The following ADGRF1 variants were observed in gnomAD, a reference collection of about 807,000 sequenced individuals.
The protein encoded by ADGRF1 is adhesion G protein-coupled receptor F1.
Under a neutral mutation model 87.2 loss-of-function variants are expected in ADGRF1, and 85 were observed. That is an observed-to-expected ratio of 0.97 (90% CI 0.82 to 1.17). The LOEUF is 1.17. Among genes scored for constraint, ADGRF1 ranks in the 50% most tolerant of loss-of-function variants. The pLI is 0.00. For synonymous variants in ADGRF1, 430 were observed against 408.8 expected, an observed-to-expected ratio of 1.05 and a Z score of -0.63; for missense variants, 1,169 against 1,077.2, an observed-to-expected ratio of 1.09 and a Z score of -1.19.
intron 1 of ADGRF1, among the ~76,000 whole-genome samples, chr6:47,030,576 ATGTGTGTGTGTG>A (rs3030596): frequency 2.7e-4 from 38 of 138,562 alleles, no homozygotes; most frequent in South Asian, 7.4e-4. Context: ...TAACATGAAT[ATGTGTGTGTGTG>A]TGTGTGTGTG....
chr6:47,020,373 G>C (rs959630331), intron 7 of ADGRF1: 11 of 803,488 alleles, frequency 1.4e-5, no homozygotes, highest in Non-Finnish European at 2.0e-5. Flanking sequence ...GCAGGTGTCT[G>C]TAATTCCAGC....
rs952404472 is a variant in ADGRF1, at chr6:47,027,741, T to C, written c.90A>G (p.Thr30=). The C allele has an allele frequency of 6.3e-7, 1 of 1,592,432 alleles. No individual in the cohort carries two copies. The highest frequency in any genetic ancestry group is 8.6e-7 in the Non-Finnish European group (1 of 1,160,960). ...GFLGKNDGIK[T]KKELIVNKKK... ...TCTTATTCACAATGAGTTCTTTTTT[T>C]GTTTTGATGCCATCATTTTTCTGTT... is the stretch of plus-strand genomic sequence containing the variant. The change falls in exon 3 of 15, where the codon ACA becomes ACG. Residue 30 remains threonine (T), a synonymous_variant. Transcript: ENST00000371253.
intron 1 of ADGRF1, among the ~76,000 whole-genome samples, chr6:47,040,253 A>G (rs1296423960): frequency 1.3e-5 from 2 of 152,146 alleles, no homozygotes; most frequent in African/African-American, 2.4e-5. Flanking sequence ...TCACGAGGTC[A>G]GGAGATCAGG....
At chr6:47,025,585 C>T (rs547711684) in intron 4 of ADGRF1, among the ~76,000 whole-genome samples, 20 of 152,160 alleles carry the variant, frequency 1.3e-4, no homozygotes, top group African/African-American at 4.8e-4. Flanking sequence ...TTTAATTGCC[C>T]GTGGAAAACC....
In ADGRF1 at chr6:47,009,070, C is replaced by G; in HGVS notation, c.2365G>C (p.Val789Leu). 1 of 1,614,090 alleles carries G rather than the reference C, an allele frequency of 6.2e-7. No homozygotes were observed. The highest frequency in any genetic ancestry group is 8.5e-7 in the Non-Finnish European group (1 of 1,180,012). ...SRDDKATIIR[V>L]GKSLLILTPL... Reference sequence around the variant, plus strand: ...GTCAGAATGAGGAGGCTCTTCCCCACGCGGATGATGGTGGCCTTGTCATCC... The same window carrying G: ...GTCAGAATGAGGAGGCTCTTCCCCAGGCGGATGATGGTGGCCTTGTCATCC... The change falls in exon 11 of 15, where the codon GTG becomes CTG. Residue 789 changes from valine to leucine, a missense_variant. By Grantham distance (32) the Val-to-Leu change is conservative. Coordinates refer to ENST00000371253, the MANE Select transcript of ADGRF1 (RefSeq NM_153840.4).
intron 1 of ADGRF1, among the ~76,000 whole-genome samples, chr6:47,035,740 G>A (rs9472970): frequency 0.38 from 57,455 of 152,002 alleles, 10,980 homozygotes; most frequent in Middle Eastern, 0.55. Context: ...CTCCACCTGA[G>A]TTCCTTACAA....
chr6:47,014,265 C>T (rs752650059), intron 9 of ADGRF1: 5 of 987,496 alleles, frequency 5.1e-6, no homozygotes, highest in Non-Finnish European at 6.0e-6. Flanking sequence ...TGACCCACTC[C>T]TTGCCCTAAT....
chr6:47,023,792 T>A (rs1780143241), intron 5 of ADGRF1, among the ~76,000 whole-genome samples: 1 of 152,158 alleles, frequency 6.6e-6, no homozygotes, highest in African/African-American at 2.4e-5. Context: ...CTCAATAAAA[T>A]CATATGATTG....
chr6:47,018,435 A>G, intron 7 of ADGRF1: 2 of 1,289,664 alleles, frequency 1.6e-6, no homozygotes, highest in South Asian at 1.2e-5. Flanking sequence ...CTCACAATGT[A>G]TAAATAAGTG....
chr6:47,001,255 G>A (rs1779356149), intron 14 of ADGRF1, among the ~76,000 whole-genome samples: 1 of 152,186 alleles, frequency 6.6e-6, no homozygotes. Context: ...TGTCAAACTT[G>A]GGAAATAGAG....
rs1433796014 is a variant in ADGRF1, at chr6:47,009,043, G to C, written c.2392C>G (p.Pro798Ala). The stretch of plus-strand genomic sequence containing the variant: ...AAGCCCCAGGTGAGCCCTAGCAGAG[G>C]GGTCAGAATGAGGAGGCTCTTCCCC... ...RVGKSLLILT[P>A]LLGLTWGFGI... Residue 798 changes from proline (P) to alanine (A), a missense_variant, in exon 11 of 15, where the codon CCT (proline) becomes GCT (alanine). Transcript: ENST00000371253. The C allele has an allele frequency of 3.7e-6, 6 of 1,613,964 alleles. No individual in the cohort carries two copies. Among genetic ancestry groups the C allele is most frequent in the Non-Finnish European group, 3.4e-6 (4 of 1,180,010 alleles).
intron 7 of ADGRF1, chr6:47,020,176 C>A: frequency 8.6e-7 from 1 of 1,159,030 alleles, no homozygotes; most frequent in Non-Finnish European, 1.1e-6. Flanking sequence ...CACTGACCCA[C>A]AGTTTTGAGA....
intron 9 of ADGRF1, chr6:47,012,628 T>C: frequency 1.0e-6 from 1 of 988,970 alleles, no homozygotes; most frequent in South Asian, 4.6e-5. Context: ...CAGCGGAAAA[T>C]GTTAGGGTAG....
At chr6:47,013,292 T>C in intron 9 of ADGRF1, 1 of 985,442 alleles carries the variant, frequency 1.0e-6, no homozygotes, top group Non-Finnish European at 1.2e-6. Flanking sequence ...GTCTCAACTA[T>C]TGCTCATGTC....
At chr6:47,038,604 C>T (rs77899775) in intron 1 of ADGRF1, among the ~76,000 whole-genome samples, 1,719 of 152,130 alleles carry the variant, frequency 0.011, 42 homozygotes, top group African/African-American at 0.039. Context: ...ACATTGAATA[C>T]TCTCCTTCTA....
intron 1 of ADGRF1, among the ~76,000 whole-genome samples, chr6:47,041,547 A>G (rs1171896900): frequency 6.6e-6 from 1 of 152,222 alleles, no homozygotes; most frequent in African/African-American, 2.4e-5. Context: ...CAAAGAAAAG[A>G]GAAAAGAAAA....
rs116868549 is a variant in ADGRF1 at position 47,036,547 on chromosome 6, A to G, written c.-44+5644T>C. On this transcript the variant is annotated intron_variant, in intron 1 of 14. Transcript: ENST00000371253. ...AGAACAGGCTCTGTGGGACCTTTAT[A>G]CATAAATGGTCAGATTAAAGATGTC... Among the ~76,000 whole-genome samples the G allele has an allele frequency of 8.2e-4, 125 of 152,288 alleles. 3 individuals are homozygous for G. The East Asian group carries it at 0.02, about 24-fold the overall frequency.
intron 1 of ADGRF1, among the ~76,000 whole-genome samples, chr6:47,038,108 G>A (rs1164302350): frequency 6.6e-6 from 1 of 152,144 alleles, no homozygotes; most frequent in Non-Finnish European, 1.5e-5. Flanking sequence ...TGATTCACCC[G>A]CCTCAGCCTC....
In ADGRF1 at chr6:47,009,474, G is replaced by A. The variant is rs1779631487; in HGVS notation, c.1961C>T (p.Ser654Phe). ...GAACACAGCAGCTGTGCAGACTCCA[G>A]AAGGGTTCACCGTGGTGTCCACTGT... ...GATVDTTVNP[S>F]GVCTAAVFFT... Residue 654 changes from serine to phenylalanine, a missense_variant, in exon 11 of 15, where the codon TCT becomes TTT. Ser to Phe is a radical substitution (Grantham distance 155). Transcript: ENST00000371253. The A allele has an allele frequency of 1.2e-6, 2 of 1,613,912 alleles. No individual in the cohort carries two copies. Among genetic ancestry groups the A allele is most frequent in the Non-Finnish European group, 1.7e-6 (2 of 1,179,940 alleles).
Sources: gnomAD v4.1 joint callset for allele counts (sites outside exome capture counted in the v4.1 genomes callset) on GRCh38, gnomAD v4.1.1 for gene constraint, MANE v1.5 for transcripts, NCBI Gene and HGNC (gene_info 2026-07-23, HGNC 2026-07-21) for gene names.